The following CBFA2T3 variants were observed in gnomAD, a reference collection of about 807,000 sequenced individuals.
CBFA2T3 encodes the protein transcriptional corepressor CBFA2T3.
Under a neutral mutation model 58.6 loss-of-function variants are expected in CBFA2T3, and 31 were observed. The ratio of observed to expected loss-of-function variants is 0.53; its 90% CI spans 0.40 to 0.71. The LOEUF is 0.71. Ranked by LOEUF, CBFA2T3 falls within the 30% of genes least tolerant of loss-of-function variation. CBFA2T3 has a pLI of 0.00. For missense variants in CBFA2T3, 1,076 were observed against 963.1 expected, an observed-to-expected ratio of 1.12 and a Z score of -1.55; for synonymous variants, 531 against 421.9, an observed-to-expected ratio of 1.26 and a Z score of -3.17.
intron 1 of CBFA2T3, among the ~76,000 whole-genome samples, chr16:88,930,463 G>A (rs567387941): frequency 2.6e-5 from 4 of 151,964 alleles, no homozygotes; most frequent in Admixed American, 6.6e-5. Flanking sequence ...GTCCATCAAC[G>A]GACACACAAA....
chr16:88,967,056 C>G (rs1972523439), intron 1 of CBFA2T3, among the ~76,000 whole-genome samples: 1 of 152,180 alleles, frequency 6.6e-6, no homozygotes, highest in South Asian at 2.1e-4. Context: ...TTGACGCACT[C>G]AACCTCTCTC....
intron 1 of CBFA2T3, among the ~76,000 whole-genome samples, chr16:88,952,797 C>T (rs980567054): frequency 2.0e-5 from 3 of 152,154 alleles, no homozygotes; most frequent in African/African-American, 7.2e-5. Flanking sequence ...TCACGGATCT[C>T]TGTGTTCTCC....
Position 88,900,406 on chromosome 16 carries a change from G to A in CBFA2T3, c.304+1098C>T, listed in dbSNP as rs564880192. Among the ~76,000 whole-genome samples the A allele has an allele frequency of 3.9e-5, 6 of 152,370 alleles. No homozygotes were observed. The South Asian group carries it at 1.0e-3, about 26-fold the overall frequency. On this transcript the variant is annotated intron_variant, in intron 2 of 11. Coordinates refer to ENST00000268679, the MANE Select transcript of CBFA2T3 (RefSeq NM_005187.6). ...AGGGGAGATGATGGCCAAAGCCCTC[G>A]GCGGAGCAGGCCCCCAGCCTCAGCG... is the stretch of plus-strand genomic sequence containing the variant.
chr16:88,959,239 A>G (rs1972304124), intron 1 of CBFA2T3, among the ~76,000 whole-genome samples: 1 of 152,212 alleles, frequency 6.6e-6, no homozygotes, highest in Non-Finnish European at 1.5e-5. Flanking sequence ...TACACGCTAC[A>G]TGGACAGTCA....
At chr16:88,895,357 G>A (rs543874928) in intron 3 of CBFA2T3, among the ~76,000 whole-genome samples, 27 of 152,300 alleles carry the variant, frequency 1.8e-4, no homozygotes, top group African/African-American at 5.8e-4. Context: ...GTGGTCTAGT[G>A]GCACCTGCGA....
At chr16:88,897,580 G>A (rs928181869) in intron 3 of CBFA2T3, among the ~76,000 whole-genome samples, 13 of 152,248 alleles carry the variant, frequency 8.5e-5, no homozygotes, top group African/African-American at 3.1e-4. Context: ...ACGGCTCCTG[G>A]AGATCACCAT....
At chr16:88,955,936 C>A (rs1206665608) in intron 1 of CBFA2T3, among the ~76,000 whole-genome samples, 1 of 147,860 alleles carries the variant, frequency 6.8e-6, no homozygotes. Context: ...GCTCCTGACC[C>A]CGCCCAAGGC....
At chr16:88,894,755 T>G (rs1969819505) in intron 3 of CBFA2T3, among the ~76,000 whole-genome samples, 1 of 152,258 alleles carries the variant, frequency 6.6e-6, no homozygotes, top group Non-Finnish European at 1.5e-5. Context: ...CAGAGCCACC[T>G]GCTCCCTCAG....
At chr16:88,886,908 G>A (rs1969400822) in intron 5 of CBFA2T3, 1 of 152,280 alleles carries the variant, frequency 6.6e-6, no homozygotes, top group Admixed American at 6.5e-5. Context: ...TGCCTTTGAC[G>A]CCTGTGTGTA....
chr16:88,966,893 C>T (rs1239685207), intron 1 of CBFA2T3, among the ~76,000 whole-genome samples: 5 of 152,230 alleles, frequency 3.3e-5, no homozygotes, highest in Non-Finnish European at 4.4e-5. Flanking sequence ...AGGGCCCACA[C>T]CCACCCTGGA....
Position 88,876,005 on chromosome 16 carries a change from C to A in CBFA2T3, c.*971G>T. On this transcript the variant is annotated 3_prime_UTR_variant, in exon 12 of 12. Coordinates refer to ENST00000268679, the MANE Select transcript of CBFA2T3 (RefSeq NM_005187.6). ...CTAACTGGGCACAAACCCTCTGCAC[C>A]CAAATATCCCGACACCCACAAACAA... 4.3e-6 allele frequency: 1 copy of A among 233,134 alleles called. No homozygotes were observed. The highest frequency in any genetic ancestry group is 2.2e-5 in the African/African-American group (1 of 45,400). 14.4% of individuals were successfully genotyped at this position (233,134 alleles called of 1,614,324 possible). A position where few individuals can be genotyped will look rare whatever the true frequency, so the allele number is the denominator to read the frequency against.
intron 1 of CBFA2T3, among the ~76,000 whole-genome samples, chr16:88,905,247 G>A (rs979185396): frequency 3.9e-5 from 6 of 152,038 alleles, no homozygotes. Context: ...AGCTTCCACT[G>A]TACATGGGGC....
intron 1 of CBFA2T3, among the ~76,000 whole-genome samples, chr16:88,966,029 T>C (rs1233893194): frequency 1.3e-5 from 2 of 152,094 alleles, no homozygotes; most frequent in Non-Finnish European, 2.9e-5. Flanking sequence ...AGAGCATGGG[T>C]GCATACAGAG....
chr16:88,901,712 G>C, intron 1 of CBFA2T3, 56 bp from the exon 2 acceptor site: 1 of 1,467,474 alleles, frequency 6.8e-7, no homozygotes, highest in Non-Finnish European at 9.0e-7. Context: ...CAAAGGCCAG[G>C]GCCCGCAGCC....
chr16:88,947,447 A>G (rs1022040525), intron 1 of CBFA2T3, among the ~76,000 whole-genome samples: 3 of 152,216 alleles, frequency 2.0e-5, no homozygotes, highest in African/African-American at 7.2e-5. Context: ...TTCATGTTTG[A>G]AAGTCTTTTG....
rs879266279 is a variant in CBFA2T3, at chr16:88,875,601, C to G, written c.*1375G>C. The G allele has an allele frequency of 4.3e-5, 10 of 232,994 alleles. No homozygotes were observed. The highest frequency in any genetic ancestry group is 5.6e-5 in the Admixed American group (1 of 17,708). 14.4% of individuals were successfully genotyped at this position (232,994 alleles called of 1,614,324 possible). ...AGAGGTTGGAGTTGGGGCGATGGGG[C>G]TGAGAGAGGTCGGAGCTGGGGTGAG... is the stretch of plus-strand genomic sequence containing the variant. On this transcript the variant is annotated 3_prime_UTR_variant, in exon 12 of 12. Coordinates refer to ENST00000268679, the MANE Select transcript of CBFA2T3 (RefSeq NM_005187.6).
rs960207100 is a variant in CBFA2T3, at chr16:88,886,024, G to C, written c.830C>G (p.Pro277Arg). 1.7e-5 allele frequency: 26 copies of C among 1,569,030 alleles called. No individual in the cohort carries two copies. Among genetic ancestry groups the C allele is most frequent in the South Asian group, 8.2e-5 (7 of 85,616 alleles). ...CAGTAGCAGCTCTGAGGAGTCGATG[G>C]GGGAGGAGGCGCTGGCGTCCAGCAG... is the stretch of plus-strand genomic sequence containing the variant. ...QLLLDASASS[P>R]IDSSELLLEV... Residue 277 changes from proline to arginine, a missense_variant, in exon 6 of 12, where the codon CCC becomes CGC. Coordinates refer to ENST00000268679, the MANE Select transcript of CBFA2T3 (RefSeq NM_005187.6).
At chr16:88,901,769 G>A (rs1009277859) in intron 1 of CBFA2T3, 113 bp from the exon 2 acceptor site, 2 of 953,728 alleles carry the variant, frequency 2.1e-6, no homozygotes, top group Non-Finnish European at 2.9e-6. Flanking sequence ...CCAGCGCTGG[G>A]GCAGTCTGCC....
chr16:88,915,255 G>T (rs1397243826), intron 1 of CBFA2T3, among the ~76,000 whole-genome samples: 2 of 34,726 alleles, frequency 5.8e-5, no homozygotes, highest in East Asian at 7.7e-4. Context: ...GGGCTGGGGG[G>T]CCTATGGGTG....
Sources: allele counts gnomAD v4.1 joint callset (sites outside exome capture counted in the v4.1 genomes callset), GRCh38; gene constraint gnomAD v4.1.1; transcripts MANE v1.5; gene names NCBI Gene and HGNC (gene_info 2026-07-23, HGNC 2026-07-21).